Variants in RBX1 observed in about 807,000 individuals in gnomAD.
RBX1 encodes the protein ring-box 1, also known as E3 ubiquitin-protein ligase RBX1.
For missense variants in RBX1, 46 were observed against 141.4 expected (o/e 0.33, Z 3.42); for synonymous variants, 48 against 47.9 (o/e 1.00, Z -0.01).
At chr22:40,969,629 A>C (rs2058363211) in intron 4 of RBX1, among the ~76,000 whole-genome samples, 1 of 152,162 alleles carries the variant, frequency 6.6e-6, no homozygotes, top group Non-Finnish European at 1.5e-5. Flanking sequence ...TCATGCCTGT[A>C]ATCCCAGCAC....
At chr22:40,969,254 G>C (rs1018144765) in intron 4 of RBX1, among the ~76,000 whole-genome samples, 2 of 152,134 alleles carry the variant, frequency 1.3e-5, no homozygotes, top group African/African-American at 4.8e-5. Context: ...GGAGATTGTG[G>C]TGGGCTGAGA....
intron 4 of RBX1, among the ~76,000 whole-genome samples, chr22:40,970,718 T>C (rs1200017945): frequency 1.3e-5 from 2 of 152,144 alleles, no homozygotes; most frequent in Admixed American, 1.3e-4. Context: ...AAATACGTCT[T>C]TATTAGGCTA....
intron 3 of RBX1, chr22:40,966,711 G>A (rs967486215): frequency 6.6e-6 from 1 of 152,094 alleles, no homozygotes; most frequent in African/African-American, 2.4e-5. Flanking sequence ...AATCCCTTAA[G>A]TTCCATACAT....
intron 3 of RBX1, among the ~76,000 whole-genome samples, chr22:40,965,440 T>C (rs182763888): frequency 6.6e-6 from 1 of 151,796 alleles, no homozygotes; most frequent in Non-Finnish European, 1.5e-5. Flanking sequence ...TTTTGTTTTT[T>C]GTTTTTTGTT....
At chr22:40,951,943 C>T (rs2058312167) in intron 1 of RBX1, among the ~76,000 whole-genome samples, 1 of 152,142 alleles carries the variant, frequency 6.6e-6, no homozygotes, top group African/African-American at 2.4e-5. Flanking sequence ...TGCTCCGCCC[C>T]TTTTTGAAGC....
chr22:40,956,675 G>A (rs1391423000), intron 2 of RBX1, among the ~76,000 whole-genome samples: 1 of 151,670 alleles, frequency 6.6e-6, no homozygotes, highest in Non-Finnish European at 1.5e-5. Flanking sequence ...ACCCCCCTTG[G>A]CCTCCCAAAG....
chr22:40,951,879 G>A (rs566433906), intron 1 of RBX1, among the ~76,000 whole-genome samples: 2 of 152,120 alleles, frequency 1.3e-5, no homozygotes, highest in Non-Finnish European at 2.9e-5. Context: ...GCGAGAGCCT[G>A]GAACCTGAGG....
At chr22:40,964,284 A>G in intron 3 of RBX1, 167 bp downstream of exon 3, 1 of 534,412 alleles carries the variant, frequency 1.9e-6, no homozygotes, top group Non-Finnish European at 3.4e-6. Context: ...TTCACCTGTT[A>G]CAGGGTAAAA....
chr22:40,963,372 A>C (rs997548378), intron 2 of RBX1, among the ~76,000 whole-genome samples: 4 of 151,930 alleles, frequency 2.6e-5, no homozygotes, highest in African/African-American at 9.7e-5. Flanking sequence ...GCGGTGGCTC[A>C]TGCCTGTAAT....
intron 4 of RBX1, among the ~76,000 whole-genome samples, chr22:40,968,133 C>G (rs112023404): frequency 4.1e-4 from 61 of 148,230 alleles, no homozygotes; most frequent in Admixed American, 2.0e-4. Context: ...CTTTGTTGCC[C>G]AGGCTGGAGT....
chr22:40,967,955 G>T, intron 4 of RBX1, 71 bp downstream of exon 4: 1 of 1,034,002 alleles, frequency 9.7e-7, no homozygotes, highest in South Asian at 1.3e-5. Flanking sequence ...GGTCTTGGGG[G>T]ATGGAGACAT....
intron 3 of RBX1, chr22:40,966,331 C>T (rs1444320208): frequency 6.6e-6 from 1 of 152,176 alleles, no homozygotes; most frequent in Non-Finnish European, 1.5e-5. Context: ...GCCCCCTTTT[C>T]CCCAGCGCGT....
At chr22:40,954,461 T>C (rs1436731429) in intron 2 of RBX1, among the ~76,000 whole-genome samples, 3 of 152,218 alleles carry the variant, frequency 2.0e-5, no homozygotes, top group Admixed American at 2.0e-4. Flanking sequence ...TTATTACATG[T>C]AGTGGTCAGC....
intron 1 of RBX1, 144 bp downstream of exon 1, chr22:40,951,620 C>T: frequency 1.3e-6 from 1 of 764,194 alleles, no homozygotes. Context: ...AGCCGGGGGG[C>T]GGGTCTTAGA....
intron 2 of RBX1, 91 bp from the exon 3 acceptor site, chr22:40,963,956 T>A: frequency 6.6e-6 from 6 of 902,808 alleles, no homozygotes; most frequent in Non-Finnish European, 1.1e-5. Context: ...CAATTATGGC[T>A]AATTAACCAC....
intron 3 of RBX1, chr22:40,966,706 C>T (rs997535239): frequency 1.3e-5 from 2 of 152,140 alleles, no homozygotes; most frequent in East Asian, 1.9e-4. Context: ...TATATAATCC[C>T]TTAAGTTCCA....
Position 40,972,711 on chromosome 22 carries a change from A to AGT in RBX1, c.*224_*225dup, listed in dbSNP as rs2058372394. On this transcript the variant is annotated 3_prime_UTR_variant, in exon 5 of 5. Transcript: ENST00000216225. ...GTGAACAAAGTGAACATAAATGAAG[A>AGT]GTCTCCCCTTCCAAGGCTGAAAACT... 2.0e-6 allele frequency: 1 copy of AGT among 500,380 alleles called. No individual in the cohort carries two copies. The highest frequency in any genetic ancestry group is 3.6e-6 in the Non-Finnish European group (1 of 275,520). The allele number at this position is 500,380 out of a possible 1,614,324, so 31.0% of individuals were successfully genotyped here.
At chr22:40,963,598 T>C (rs1019709049) in intron 2 of RBX1, among the ~76,000 whole-genome samples, 2 of 152,184 alleles carry the variant, frequency 1.3e-5, no homozygotes, top group African/African-American at 4.8e-5. Flanking sequence ...ATTGTGCTAT[T>C]GCACTTCAGC....
At chr22:40,964,409 C>T (rs749013557) in intron 3 of RBX1, 3 of 284,130 alleles carry the variant, frequency 1.1e-5, no homozygotes, top group Non-Finnish European at 2.0e-5. Context: ...CTACATGCAC[C>T]CTTTGGAATA....
Sources: gnomAD v4.1 joint callset for allele counts (sites outside exome capture counted in the v4.1 genomes callset) on GRCh38, gnomAD v4.1.1 for gene constraint, MANE v1.5 for transcripts, NCBI Gene and HGNC (gene_info 2026-07-23, HGNC 2026-07-21) for gene names.